Variants in MAPK10 observed in about 807,000 individuals in gnomAD.
MAPK10 encodes the protein mitogen-activated protein kinase 10, also known as JNK3 alpha protein kinase.
A neutral mutation model predicts 59.3 loss-of-function variants in MAPK10; 25 were observed. That is an observed-to-expected ratio of 0.42 (90% CI 0.31 to 0.59). The LOEUF (loss-of-function observed/expected upper bound fraction) is 0.59, where lower values mean the gene tolerates loss of function less well. Ranked by LOEUF, MAPK10 falls within the 20% of genes least tolerant of loss-of-function variation. The probability of loss-of-function intolerance (pLI) is 0.15; values close to 1 mark genes in which losing one functional copy is unlikely to be tolerated. For synonymous variants in MAPK10, 190 were observed against 200.5 expected (o/e 0.95, Z 0.44); for missense variants, 351 against 568.9 (o/e 0.62, Z 3.90).
intron 1 of MAPK10, among the ~76,000 whole-genome samples, chr4:86,449,104 C>A (rs544720853): frequency 1.3e-5 from 2 of 152,144 alleles, no homozygotes; most frequent in South Asian, 4.1e-4. Context: ...CCCCACCTCA[C>A]GACCCTGCTC....
chr4:86,571,463 A>T (rs1761447188), intron 1 of MAPK10, among the ~76,000 whole-genome samples: 1 of 151,762 alleles, frequency 6.6e-6, no homozygotes, highest in Admixed American at 6.6e-5. Context: ...AAAATTTAGA[A>T]CCTTAAATAA....
chr4:86,338,519 G>A (rs1722929522), intron 2 of MAPK10, among the ~76,000 whole-genome samples: 1 of 152,090 alleles, frequency 6.6e-6, no homozygotes, highest in Admixed American at 6.6e-5. Flanking sequence ...TGCTCTTGTG[G>A]GGATTCCCAT....
At chr4:86,307,732 T>A (rs1168373471) in intron 2 of MAPK10, among the ~76,000 whole-genome samples, 3 of 152,126 alleles carry the variant, frequency 2.0e-5, no homozygotes, top group Admixed American at 6.6e-5. Context: ...ATAGGGGACA[T>A]TAATAGGGAA....
chr4:86,432,763 G>A (rs986607506), intron 1 of MAPK10, among the ~76,000 whole-genome samples: 1 of 152,156 alleles, frequency 6.6e-6, no homozygotes, highest in Non-Finnish European at 1.5e-5. Flanking sequence ...AAAGCCAGGT[G>A]GTGGCAATCA....
At chr4:86,262,346 T>TA (rs2094023454) in intron 2 of MAPK10, among the ~76,000 whole-genome samples, 1 of 150,840 alleles carries the variant, frequency 6.6e-6, no homozygotes, top group Non-Finnish European at 1.5e-5. Context: ...CAGGCTCCAG[T>TA]ACTATAAAAA....
chr4:86,055,965 G>A (rs542206020), intron 11 of MAPK10, among the ~76,000 whole-genome samples: 2 of 150,004 alleles, frequency 1.3e-5, no homozygotes, highest in East Asian at 1.9e-4. Flanking sequence ...GTACATTACT[G>A]TACCCTGTGG....
intron 2 of MAPK10, among the ~76,000 whole-genome samples, chr4:86,277,855 T>C (rs965646955): frequency 9.9e-5 from 15 of 152,262 alleles, no homozygotes; most frequent in Middle Eastern, 3.4e-3. Context: ...ATCTATGCTA[T>C]CTGTTGAAGG....
intron 1 of MAPK10, among the ~76,000 whole-genome samples, chr4:86,519,384 T>C (rs1184748279): frequency 2.0e-5 from 3 of 152,220 alleles, no homozygotes; most frequent in African/African-American, 7.2e-5. Context: ...CTGCGTCTTT[T>C]TAAACTGTTG....
intron 4 of MAPK10, among the ~76,000 whole-genome samples, chr4:86,127,280 C>T (rs563332503): frequency 6.6e-6 from 1 of 150,416 alleles, no homozygotes; most frequent in Non-Finnish European, 1.5e-5. Flanking sequence ...GTATTGCTCA[C>T]TTTTGCATTG....
rs775202584 is a variant in MAPK10 at position 86,031,446 on chromosome 4, C to CA, written c.1111-16dup. The CA allele has an allele frequency of 3.0e-5, 48 of 1,585,024 alleles. No individual in the cohort carries two copies. Among genetic ancestry groups the CA allele is most frequent in the Non-Finnish European group, 3.8e-5 (44 of 1,154,924 alleles). On this transcript the variant is annotated splice_polypyrimidine_tract_variant and intron_variant, in intron 11 of 13. Transcript: ENST00000641462. ...TGAGGTGGAGGCTGCCGAATAAAAA[C>CA]AAAAAATAATCTTTGTGTGATAATG...
At position 86,031,139 on chromosome 4, in the gene MAPK10, C is replaced by T. The variant is rs115074357; in HGVS notation, c.1174+229G>A. Among the ~76,000 whole-genome samples, 1,050 of 152,302 alleles carry T rather than the reference C, an allele frequency of 6.9e-3. 16 individuals carry two copies. Among genetic ancestry groups the T allele is most frequent in the African/African-American group, 0.024 (1,005 of 41,558 alleles). On this transcript the variant is annotated intron_variant, in intron 12 of 13. Transcript: ENST00000641462. ...AAAGGTATCGACAAACACTGACAATCAGTACCATTTTAAAAGGTATCAATG... is the reference window on the plus strand; with the variant it reads ...AAAGGTATCGACAAACACTGACAATTAGTACCATTTTAAAAGGTATCAATG...
At chr4:86,085,004 AG>A (rs2051463248) in intron 9 of MAPK10, among the ~76,000 whole-genome samples, 1 of 152,214 alleles carries the variant, frequency 6.6e-6, no homozygotes, top group Non-Finnish European at 1.5e-5. Flanking sequence ...GGGAAAAGAC[AG>A]TCCCTTCAAT....
At chr4:86,188,109 T>C (rs1419524347) in intron 3 of MAPK10, among the ~76,000 whole-genome samples, 1 of 152,212 alleles carries the variant, frequency 6.6e-6, no homozygotes, top group Non-Finnish European at 1.5e-5. Flanking sequence ...TAGTATTCCA[T>C]GGTGTGTATG....
At chr4:86,049,618 T>C (rs1560991069) in intron 11 of MAPK10, among the ~76,000 whole-genome samples, 1 of 152,140 alleles carries the variant, frequency 6.6e-6, no homozygotes, top group Admixed American at 6.6e-5. Context: ...CCTTCTTTAA[T>C]AACATCCTAT....
chr4:86,028,081 G>A (rs569288471), intron 13 of MAPK10: 1 of 152,336 alleles, frequency 6.6e-6, no homozygotes, highest in African/African-American at 2.4e-5. Flanking sequence ...TTAAAACAAG[G>A]AGTCATTCTG....
intron 11 of MAPK10, among the ~76,000 whole-genome samples, chr4:86,053,026 TTCA>T (rs1244083543): frequency 6.6e-6 from 1 of 152,010 alleles, no homozygotes; most frequent in African/African-American, 2.4e-5. Flanking sequence ...TATTTAAAAG[TTCA>T]TCATGCAATT....
chr4:86,335,769 G>A (rs867106291), intron 2 of MAPK10, among the ~76,000 whole-genome samples: 74 of 152,200 alleles, frequency 4.9e-4, no homozygotes, highest in African/African-American at 1.6e-3. Context: ...TTCACATGGC[G>A]GCAAGAGAGA....
intron 1 of MAPK10, among the ~76,000 whole-genome samples, chr4:86,438,982 A>C (rs1564870177): frequency 6.6e-6 from 1 of 152,222 alleles, no homozygotes; most frequent in African/African-American, 2.4e-5. Flanking sequence ...CCCTTTGGTC[A>C]ATCATGCTGA....
At chr4:86,192,829 G>A (rs960023681) in intron 3 of MAPK10, 17 of 152,066 alleles carry the variant, frequency 1.1e-4, no homozygotes, top group African/African-American at 3.9e-4. Flanking sequence ...GCGAGGAGTT[G>A]TGATCCTTTG....
Sources: allele counts gnomAD v4.1 joint callset (sites outside exome capture counted in the v4.1 genomes callset), GRCh38; gene constraint gnomAD v4.1.1; transcripts MANE v1.5; gene names NCBI Gene and HGNC (gene_info 2026-07-23, HGNC 2026-07-21).